The following DOCK2 variants were observed in gnomAD, a reference collection of about 807,000 sequenced individuals.
The protein encoded by DOCK2 is dedicator of cytokinesis protein 2.
Under a neutral mutation model 248.9 loss-of-function variants are expected in DOCK2, and 87 were observed. That is an observed-to-expected ratio of 0.35 (90% CI 0.29 to 0.42). DOCK2 has a LOEUF of 0.42. Among genes scored for constraint, DOCK2 ranks in the 10% least tolerant of loss-of-function variants. The pLI is 1.00. For synonymous variants in DOCK2, 805 were observed against 821.6 expected (o/e 0.98, Z 0.35); for missense variants, 1,747 against 2,300.2 (o/e 0.76, Z 4.92).
At chr5:170,025,684 A>G (rs1755877075) in intron 33 of DOCK2, among the ~76,000 whole-genome samples, 2 of 152,146 alleles carry the variant, frequency 1.3e-5, no homozygotes, top group Non-Finnish European at 2.9e-5. Context: ...GACAGGATGC[A>G]CCATAGAAGG....
intron 50 of DOCK2, 110 bp downstream of exon 50, chr5:170,080,393 A>G: frequency 1.3e-6 from 2 of 1,518,602 alleles, no homozygotes; most frequent in Non-Finnish European, 1.8e-6. Context: ...TGGGCCAGGC[A>G]TCCTGGAGTG....
intron 27 of DOCK2, among the ~76,000 whole-genome samples, chr5:169,894,973 G>A (rs545694406): frequency 6.6e-6 from 1 of 152,206 alleles, no homozygotes; most frequent in East Asian, 1.9e-4. Flanking sequence ...TTTCTTAAGG[G>A]GCCAAGAACA....
chr5:169,964,387 C>T (rs1223345509), intron 27 of DOCK2, among the ~76,000 whole-genome samples: 1 of 152,174 alleles, frequency 6.6e-6, no homozygotes, highest in African/African-American at 2.4e-5. Context: ...GGAAGACTGG[C>T]ATCATCTGCA....
At chr5:169,834,863 A>G (rs1769461486) in intron 26 of DOCK2, among the ~76,000 whole-genome samples, 1 of 152,256 alleles carries the variant, frequency 6.6e-6, no homozygotes, top group African/African-American at 2.4e-5. Context: ...GAAAACAAGC[A>G]AACAGAAGCA....
At chr5:169,754,646 C>T (rs1375835009) in intron 23 of DOCK2, among the ~76,000 whole-genome samples, 4 of 152,230 alleles carry the variant, frequency 2.6e-5, no homozygotes, top group Middle Eastern at 3.4e-3. Context: ...CCCCACTTGC[C>T]GAGATAGAAT....
chr5:169,731,027 C>T (rs957741801), intron 22 of DOCK2, among the ~76,000 whole-genome samples: 3 of 151,920 alleles, frequency 2.0e-5, no homozygotes, highest in Admixed American at 1.3e-4. Context: ...GACTAATGCC[C>T]AGCTAATTTT....
intron 25 of DOCK2, among the ~76,000 whole-genome samples, chr5:169,768,920 T>A (rs1188016801): frequency 6.6e-6 from 1 of 152,110 alleles, no homozygotes; most frequent in East Asian, 1.9e-4. Context: ...CTCCTACTCA[T>A]CCCTTTAAGA....
chr5:169,736,371 G>A (rs1763043237), intron 22 of DOCK2, among the ~76,000 whole-genome samples: 2 of 152,044 alleles, frequency 1.3e-5, no homozygotes, highest in South Asian at 2.1e-4. Context: ...TTGGGTCAGG[G>A]GCCTTCTTCT....
intron 26 of DOCK2, among the ~76,000 whole-genome samples, chr5:169,814,833 T>A (rs1767968841): frequency 6.6e-6 from 1 of 152,158 alleles, no homozygotes; most frequent in Admixed American, 6.5e-5. Context: ...AAAAACCTGA[T>A]AGATACAGGT....
intron 10 of DOCK2, among the ~76,000 whole-genome samples, chr5:169,696,166 T>A (rs930782009): frequency 6.6e-6 from 1 of 152,180 alleles, no homozygotes; most frequent in African/African-American, 2.4e-5. Flanking sequence ...TTGTCTGGAG[T>A]AGAGCATCGG....
chr5:169,839,515 A>G (rs1380675959), intron 26 of DOCK2, among the ~76,000 whole-genome samples: 3 of 152,172 alleles, frequency 2.0e-5, no homozygotes, highest in South Asian at 2.1e-4. Flanking sequence ...TCGCGTATGC[A>G]TGGTGTGCAA....
At chr5:169,870,170 G>A (rs1042072347) in intron 27 of DOCK2, among the ~76,000 whole-genome samples, 3 of 152,228 alleles carry the variant, frequency 2.0e-5, no homozygotes, top group East Asian at 1.9e-4. Context: ...GTCTGAACAC[G>A]GAGCCACGTT....
At chr5:169,862,017 G>GT (rs1366933418) in intron 27 of DOCK2, among the ~76,000 whole-genome samples, 1 of 151,386 alleles carries the variant, frequency 6.6e-6, no homozygotes, top group African/African-American at 2.4e-5. Context: ...AAGGGTTCAT[G>GT]TGAGGGCCTC....
At chr5:169,701,013 A>C (rs1760938713) in intron 13 of DOCK2, among the ~76,000 whole-genome samples, 1 of 152,222 alleles carries the variant, frequency 6.6e-6, no homozygotes, top group Non-Finnish European at 1.5e-5. Flanking sequence ...TTCAATGGGC[A>C]TGATAATGAA....
At chr5:169,819,071 G>A (rs1246617529) in intron 26 of DOCK2, among the ~76,000 whole-genome samples, 1 of 152,178 alleles carries the variant, frequency 6.6e-6, no homozygotes, top group Non-Finnish European at 1.5e-5. Flanking sequence ...CTGGGGACAA[G>A]GAATGACATG....
chr5:169,753,530 G>A (rs1202216476), intron 23 of DOCK2, among the ~76,000 whole-genome samples: 1 of 152,154 alleles, frequency 6.6e-6, no homozygotes, highest in Non-Finnish European at 1.5e-5. Context: ...GGCTTAAAGA[G>A]GTTAAGTAAC....
intron 25 of DOCK2, among the ~76,000 whole-genome samples, chr5:169,792,796 C>A (rs1766428447): frequency 1.3e-5 from 2 of 152,176 alleles, no homozygotes; most frequent in African/African-American, 4.8e-5. Context: ...CATTAGGAAA[C>A]AAATCAAATT....
At chr5:169,710,391 C>T (rs1440483370) in intron 15 of DOCK2, among the ~76,000 whole-genome samples, 1 of 152,166 alleles carries the variant, frequency 6.6e-6, no homozygotes, top group Non-Finnish European at 1.5e-5. Context: ...TTCTACTCAG[C>T]AATGAGGAGT....
chr5:169,702,744 G>T, intron 14 of DOCK2: 1 of 174,840 alleles, frequency 5.7e-6, no homozygotes, highest in South Asian at 1.3e-4. Flanking sequence ...TTATAGGTTA[G>T]CTTTCTGCAG....
Sources: allele counts gnomAD v4.1 joint callset (sites outside exome capture counted in the v4.1 genomes callset), GRCh38; gene constraint gnomAD v4.1.1; transcripts MANE v1.5; gene names NCBI Gene and HGNC (gene_info 2026-07-23, HGNC 2026-07-21).